EFR3A: variants seen among roughly 807,000 people sequenced by gnomAD.
EFR3A encodes protein EFR3 homolog A.
EFR3A carries 76 observed loss-of-function variants against 104.4 expected under a neutral mutation model. The observed-to-expected ratio is 0.73, with a 90% confidence interval of 0.60 to 0.88. The LOEUF is 0.88. EFR3A is among the 40% of genes least tolerant of loss of function. The pLI, the probability that EFR3A is intolerant of heterozygous loss-of-function variation, is 0.00. For missense variants in EFR3A, 985 were observed against 1,012.5 expected (o/e 0.97, Z 0.37); for synonymous variants, 330 against 330.0 (o/e 1.00, Z 0.00).
chr8:131,996,259 G>A (rs1450720432), intron 18 of EFR3A, 147 bp from the exon 19 acceptor site: 6 of 481,914 alleles, frequency 1.2e-5, no homozygotes, highest in Non-Finnish European at 2.2e-5. Flanking sequence ...CCGAGAACAC[G>A]CTGCTTTTAT....
intron 1 of EFR3A, among the ~76,000 whole-genome samples, chr8:131,914,946 T>C (rs538704794): frequency 3.3e-4 from 51 of 152,298 alleles, no homozygotes; most frequent in Non-Finnish European, 6.6e-4. Flanking sequence ...CTAAGGATGA[T>C]AGCCTCCAGC....
chr8:131,906,636 A>ATAT (rs1816278826), intron 1 of EFR3A, among the ~76,000 whole-genome samples: 1 of 152,228 alleles, frequency 6.6e-6, no homozygotes. Context: ...TATCTCATGA[A>ATAT]TATTAACAGC....
chr8:131,991,191 C>T (rs565835185), intron 18 of EFR3A, among the ~76,000 whole-genome samples: 10 of 152,136 alleles, frequency 6.6e-5, no homozygotes, highest in African/African-American at 1.2e-4. Context: ...CCTGATAAAC[C>T]GATCAGATCT....
Position 131,904,213 on chromosome 8 carries a change from C to G in EFR3A, c.-100C>G, listed in dbSNP as rs1391343685. ...TTCGCCCTTCGCCCTTCGCCTCGTT[C>G]CGGCCTCCGCGGCCCAGCAACGGCC... On this transcript the variant is annotated 5_prime_UTR_variant, in exon 1 of 23. Transcript: ENST00000254624. 8.1e-7 allele frequency: 1 copy of G among 1,230,764 alleles called. No homozygotes were observed. The highest frequency in any genetic ancestry group is 1.0e-6 in the Non-Finnish European group (1 of 977,710). 76.2% of individuals were successfully genotyped at this position (1,230,764 alleles called of 1,614,324 possible).
Position 131,984,178 on chromosome 8 carries a change from A to G in EFR3A, c.1615A>G (p.Lys539Glu). ...QLYRHIYLGCKEEDNVQKNYE... is the reference protein window; with the variant it reads ...QLYRHIYLGCEEEDNVQKNYE... ...GTATCGGCACATATATTTGGGTTGTAAAGAGGAAGACAACGTTCAGAAAAA... is the reference window on the plus strand; with the variant it reads ...GTATCGGCACATATATTTGGGTTGTGAAGAGGAAGACAACGTTCAGAAAAA... Residue 539 changes from lysine (K) to glutamate (E), a missense_variant, in exon 15 of 23, where the codon AAA becomes GAA. By Grantham distance (56) the Lys-to-Glu change is moderately conservative. Transcript: ENST00000254624. The G allele has an allele frequency of 6.2e-7, 1 of 1,612,558 alleles. No individual in the cohort carries two copies. Among genetic ancestry groups the G allele is most frequent in the Non-Finnish European group, 8.5e-7 (1 of 1,179,212 alleles).
intron 4 of EFR3A, among the ~76,000 whole-genome samples, 171 bp downstream of exon 4, chr8:131,946,804 T>G (rs1586582990): frequency 6.6e-6 from 1 of 152,096 alleles, no homozygotes; most frequent in Non-Finnish European, 1.5e-5. Context: ...TTCTGCTGTT[T>G]CTTGTGAAAT....
At chr8:131,905,234 T>A (rs1028474383) in intron 1 of EFR3A, among the ~76,000 whole-genome samples, 4 of 152,220 alleles carry the variant, frequency 2.6e-5, no homozygotes, top group Non-Finnish European at 5.9e-5. Context: ...TGTTCAATAC[T>A]ATAGAATCTT....
In EFR3A at chr8:131,970,508, T is replaced by C; in HGVS notation, c.1024T>C (p.Leu342=). The change falls in exon 10 of 23, where the codon TTG becomes CTG. Residue 342 remains leucine, a synonymous_variant. Transcript: ENST00000254624. ...AGTGCTGGAAGTCTTCAATACCCTT[T>C]TGAAACATCTGCGTCTCAGCGTTGA... is the stretch of plus-strand genomic sequence containing the variant. ...PTVLEVFNTL[L]KHLRLSVEFE... 6.2e-7 allele frequency: 1 copy of C among 1,613,910 alleles called. No homozygotes were observed. Among genetic ancestry groups the C allele is most frequent in the South Asian group, 1.1e-5 (1 of 91,072 alleles).
intron 8 of EFR3A, among the ~76,000 whole-genome samples, chr8:131,961,395 C>G (rs1417742443): frequency 1.3e-5 from 2 of 152,102 alleles, no homozygotes; most frequent in Non-Finnish European, 2.9e-5. Flanking sequence ...AACCATGGCA[C>G]GAGAACTACT....
chr8:131,980,511 T>C (rs1193546097), intron 14 of EFR3A, among the ~76,000 whole-genome samples: 1 of 152,066 alleles, frequency 6.6e-6, no homozygotes, highest in African/African-American at 2.4e-5. Flanking sequence ...CTGAGGAACC[T>C]CAAACAATTT....
Position 131,984,297 on chromosome 8 carries a change from A to G in EFR3A, c.1734A>G (p.Leu578=), listed in dbSNP as rs752771504. The part of the protein sequence containing the change: ...VIDLIRLAIA[L]QDSAIINEDN... ...ATCTCATTCGACTGGCCATTGCTTTACAGGTATGCTTTCATAACCGTTCAC... is the reference window on the plus strand; with the variant it reads ...ATCTCATTCGACTGGCCATTGCTTTGCAGGTATGCTTTCATAACCGTTCAC... The change falls in exon 15 of 23, where the codon TTA becomes TTG. Residue 578 remains leucine (L), a synonymous_variant. Coordinates refer to ENST00000254624, the MANE Select transcript of EFR3A (RefSeq NM_015137.6). 1 of 1,590,876 alleles carries G rather than the reference A, an allele frequency of 6.3e-7. No homozygotes were observed. The highest frequency in any genetic ancestry group is 1.2e-5 in the South Asian group (1 of 86,260).
chr8:131,976,421 T>C (rs979440530), intron 11 of EFR3A, among the ~76,000 whole-genome samples: 3 of 152,148 alleles, frequency 2.0e-5, no homozygotes, highest in African/African-American at 7.2e-5. Context: ...AGGGTAAAGC[T>C]TCAAGTTTCC....
In EFR3A at chr8:132,012,425, C is replaced by T. The variant is rs566430458; in HGVS notation, c.*1530C>T. ...AACCTATGAAATGACACTGAAAGAT[C>T]CTGGGCTGCTTCTTAAATAAGTAGA... On this transcript the variant is annotated 3_prime_UTR_variant, in exon 23 of 23. Coordinates refer to ENST00000254624, the MANE Select transcript of EFR3A (RefSeq NM_015137.6). The T allele has an allele frequency of 2.0e-5, 3 of 152,322 alleles. No individual in the cohort carries two copies. The South Asian group carries it at 6.2e-4, about 32-fold the overall frequency. 9.4% of individuals were successfully genotyped at this position (152,322 alleles called of 1,614,324 possible).
chr8:131,947,612 A>G (rs762556961), intron 4 of EFR3A, among the ~76,000 whole-genome samples: 20 of 151,696 alleles, frequency 1.3e-4, no homozygotes, highest in Non-Finnish European at 1.6e-4. Flanking sequence ...CATATCTAAG[A>G]AACTATTGCC....
chr8:132,009,213 A>G (rs1359314054), intron 22 of EFR3A, among the ~76,000 whole-genome samples: 1 of 152,100 alleles, frequency 6.6e-6, no homozygotes, highest in Non-Finnish European at 1.5e-5. Context: ...AATAAATTCA[A>G]AGAAGTATAT....
intron 19 of EFR3A, 111 bp downstream of exon 19, chr8:131,996,608 C>G (rs1821502906): frequency 1.8e-6 from 1 of 567,216 alleles, no homozygotes; most frequent in Non-Finnish European, 3.0e-6. Context: ...AAATTATCCT[C>G]AAATCAACTA....
rs576629470 is a variant in EFR3A, at chr8:132,005,426, TA to T, written c.2360+2152del. Among the ~76,000 whole-genome samples, 319 of 143,770 alleles carry T rather than the reference TA, an allele frequency of 2.2e-3. 2 individuals carry two copies. The highest frequency in any genetic ancestry group is 7.1e-3 in the African/African-American group (280 of 39,234). 94.3% of individuals were successfully genotyped at this position (143,770 alleles called of 152,430 possible). Reference sequence around the variant, plus strand: ...CATTTTAACCATACCTGAGTATGGTTAAAAAAAAAAACAAGAAAGGCAAAGA... The same window carrying T: ...CATTTTAACCATACCTGAGTATGGTTAAAAAAAAAACAAGAAAGGCAAAGA... On this transcript the variant is annotated intron_variant, in intron 22 of 22. Transcript: ENST00000254624.
Position 131,986,219 on chromosome 8 carries a change from C to A in EFR3A, c.1895C>A (p.Ala632Asp). ...SKVIEIRTME[A>D]PYFLPEHIFR... ...GTTATTGAAATTCGAACTATGGAAG[C>A]CCCTTATTTTCTACCAGAGCATATC... Residue 632 changes from alanine (A) to aspartate (D), a missense_variant, in exon 17 of 23, where the codon GCC (alanine) becomes GAC (aspartate). Coordinates refer to ENST00000254624, the MANE Select transcript of EFR3A (RefSeq NM_015137.6). 6.3e-7 allele frequency: 1 copy of A among 1,593,290 alleles called. No homozygotes were observed. The highest frequency in any genetic ancestry group is 8.6e-7 in the Non-Finnish European group (1 of 1,165,268).
intron 22 of EFR3A, among the ~76,000 whole-genome samples, chr8:132,007,263 A>T (rs954324008): frequency 2.0e-5 from 3 of 152,004 alleles, no homozygotes; most frequent in Non-Finnish European, 4.4e-5. Flanking sequence ...ACCCTACTAG[A>T]GTTAATACAT....
Sources: allele counts gnomAD v4.1 joint callset (sites outside exome capture counted in the v4.1 genomes callset), GRCh38; gene constraint gnomAD v4.1.1; transcripts MANE v1.5; gene names NCBI Gene and HGNC (gene_info 2026-07-23, HGNC 2026-07-21).